ATAD2B: variants seen among roughly 807,000 people sequenced by gnomAD.
ATAD2B encodes the protein ATPase family AAA domain-containing protein 2B.
ATAD2B carries 40 observed loss-of-function variants against 167.6 expected under a neutral mutation model. The ratio of observed to expected loss-of-function variants is 0.24; its 90% CI spans 0.19 to 0.31. ATAD2B has a LOEUF of 0.31. ATAD2B is among the 10% of genes least tolerant of loss of function. The pLI, the probability that ATAD2B is intolerant of heterozygous loss-of-function variation, is 1.00. For missense variants in ATAD2B, 1,242 were observed against 1,757.2 expected (o/e 0.71, Z 5.24); for synonymous variants, 579 against 596.5 (o/e 0.97, Z 0.43).
intron 17 of ATAD2B, chr2:23,811,172 T>A (rs1685531328): frequency 6.6e-6 from 1 of 152,186 alleles, no homozygotes; most frequent in Admixed American, 6.5e-5. Context: ...TTATCCAAGG[T>A]TAAATGTTAG....
chr2:23,819,126 G>T (rs1037156176), intron 17 of ATAD2B, among the ~76,000 whole-genome samples: 3 of 152,002 alleles, frequency 2.0e-5, no homozygotes, highest in African/African-American at 7.2e-5. Context: ...AATAAAGTTG[G>T]GGCTCATGAG....
intron 19 of ATAD2B, among the ~76,000 whole-genome samples, chr2:23,792,395 G>A (rs1681892573): frequency 6.6e-6 from 1 of 150,964 alleles, no homozygotes; most frequent in South Asian, 2.1e-4. Context: ...AGAATTGTTA[G>A]TCCCCAGTTT....
intron 12 of ATAD2B, among the ~76,000 whole-genome samples, chr2:23,859,741 A>T (rs1356665673): frequency 2.0e-5 from 3 of 152,048 alleles, no homozygotes; most frequent in Non-Finnish European, 4.4e-5. Context: ...TGAGGTCAGA[A>T]GTTCGAGACC....
At chr2:23,709,480 G>A in the ATAD2B span, among the ~76,000 whole-genome samples, 2 of 152,256 alleles carry the variant, frequency 1.3e-5, no homozygotes, top group African/African-American at 4.8e-5. Flanking sequence ...TCCCTGGGGA[G>A]AAAAGGTAGA....
chr2:23,880,660 G>A lies in ATAD2B; in HGVS notation c.880C>T (p.Arg294Ter), dbSNP rs759768443. Residue 294 changes from arginine (R) to a stop codon, truncating the protein, a stop_gained, in exon 7 of 28, where the codon CGA becomes TGA. Transcript: ENST00000238789. LOFTEE classifies it high-confidence loss of function. The part of the protein sequence containing the change: ...YNLRQRKTVD[R>*]YQAPPIVPAH... ...CTACCTATTGGAGGTGCTTGGTATCGATCCACTGTTTTTCTCTGTCTCAAA... is the reference window on the plus strand; with the variant it reads ...CTACCTATTGGAGGTGCTTGGTATCAATCCACTGTTTTTCTCTGTCTCAAA... 1 of 1,604,034 alleles carries A rather than the reference G, an allele frequency of 6.2e-7. No homozygotes were observed. Among genetic ancestry groups the A allele is most frequent in the Non-Finnish European group, 8.5e-7 (1 of 1,174,122 alleles).
chr2:23,694,732 G>A, the ATAD2B span, among the ~76,000 whole-genome samples: 32 of 152,244 alleles, frequency 2.1e-4, no homozygotes, highest in Middle Eastern at 0.01. Flanking sequence ...CACGGGCTTC[G>A]AATGTCCACC....
the ATAD2B span, among the ~76,000 whole-genome samples, chr2:23,701,004 C>G: frequency 2.0e-5 from 3 of 152,172 alleles, no homozygotes; most frequent in East Asian, 5.8e-4. Flanking sequence ...AGAGATCCCA[C>G]AGCTGAATAT....
chr2:23,799,081 T>C (rs970886643), intron 18 of ATAD2B, among the ~76,000 whole-genome samples: 2 of 152,212 alleles, frequency 1.3e-5, no homozygotes, highest in African/African-American at 4.8e-5. Flanking sequence ...TGAATTAATG[T>C]CCCTTACTTA....
rs768066043 is a variant in ATAD2B, at chr2:23,926,596, C to T, written c.175G>A (p.Gly59Arg). ...RAASCPAAKA[G>R]GSGGAGVTLD... Reference sequence around the variant, plus strand: ...GTGACGCCGGCGCCACCGCTTCCCCCGGCTTTGGCGGCGGGGCAGCTGGCG... The same window carrying T: ...GTGACGCCGGCGCCACCGCTTCCCCTGGCTTTGGCGGCGGGGCAGCTGGCG... The change falls in exon 1 of 28, where the codon GGG (glycine) becomes AGG (arginine). Residue 59 changes from glycine to arginine, a missense_variant. By Grantham distance (125) the Gly-to-Arg change is moderately radical. Coordinates refer to ENST00000238789, the MANE Select transcript of ATAD2B (RefSeq NM_017552.4). The T allele has an allele frequency of 1.9e-6, 3 of 1,562,000 alleles. No homozygotes were observed. The highest frequency in any genetic ancestry group is 3.8e-5 in the Admixed American group (2 of 52,574).
Position 23,880,640 on chromosome 2 carries a change from T to C in ATAD2B, c.900A>G (p.Ile300Met). The C allele has an allele frequency of 6.4e-7, 1 of 1,569,230 alleles. No homozygotes were observed. The highest frequency in any genetic ancestry group is 1.7e-4 in the Middle Eastern group (1 of 5,986). The change falls in exon 7 of 28, where the codon ATA (isoleucine) becomes ATG (methionine). Residue 300 changes from isoleucine (I) to methionine (M), a missense_variant and splice_region_variant. This residue lies in a region of ATAD2B where 127 missense variants were observed against 146.3 expected (regional missense o/e 0.87). Transcript: ENST00000238789. ...KTVDRYQAPP[I>M]VPAHQKKREN... ...AAAAAGTTATTTAGAGTTGCCTACC[T>C]ATTGGAGGTGCTTGGTATCGATCCA...
intron 7 of ATAD2B, among the ~76,000 whole-genome samples, chr2:23,877,209 C>A (rs1696999520): frequency 6.6e-6 from 1 of 151,922 alleles, no homozygotes. Flanking sequence ...CCAGGAGTTC[C>A]AGACCATCCT....
chr2:23,830,937 A>G (rs963623667), intron 14 of ATAD2B, among the ~76,000 whole-genome samples: 1 of 152,162 alleles, frequency 6.6e-6, no homozygotes, highest in African/African-American at 2.4e-5. Context: ...AGAGGTTTAA[A>G]GTAATGAAAT....
intron 14 of ATAD2B, among the ~76,000 whole-genome samples, chr2:23,830,548 C>T (rs1688886361): frequency 6.6e-6 from 1 of 152,104 alleles, no homozygotes; most frequent in Non-Finnish European, 1.5e-5. Context: ...AACAGAACAA[C>T]TTCAAAGTCA....
In ATAD2B at chr2:23,750,816, A is replaced by G. The variant is rs976693457; in HGVS notation, c.*1230T>C. ...CCCATAATTAATTTCAGATACATAC[A>G]ATTCACAGAAATCACTCAACAAGAT... On this transcript the variant is annotated 3_prime_UTR_variant, in exon 28 of 28. Coordinates refer to ENST00000238789, the MANE Select transcript of ATAD2B (RefSeq NM_017552.4). The G allele has an allele frequency of 6.6e-6, 1 of 152,162 alleles. No homozygotes were observed. 9.4% of individuals were successfully genotyped at this position (152,162 alleles called of 1,614,324 possible). A position where few individuals can be genotyped will look rare whatever the true frequency, so the allele number is the denominator to read the frequency against.
In ATAD2B at chr2:23,839,446, G is replaced by A. The variant is rs143370570; in HGVS notation, c.1569-5368C>T. ...TTCTCTAAGATGAAGACTTTATTATGACTAAATATTGAATTTTATTAAACA... is the reference window on the plus strand; with the variant it reads ...TTCTCTAAGATGAAGACTTTATTATAACTAAATATTGAATTTTATTAAACA... On this transcript the variant is annotated intron_variant, in intron 13 of 27. Transcript: ENST00000238789. Among the ~76,000 whole-genome samples, 540 of 152,132 alleles carry A rather than the reference G, an allele frequency of 3.5e-3. 2 individuals are homozygous for A. The highest frequency in any genetic ancestry group is 0.014 in the Middle Eastern group (4 of 292).
In ATAD2B at chr2:23,762,306, A is replaced by C; in HGVS notation, c.3297T>G (p.Thr1099=). ...VTSEQINPHS[T]GARKTETRVE... ...CTCTAGTTTCTGTCTTCCGAGCTCC[A>C]GTACTATGAGGATTTATTTGTTCTG... The change falls in exon 24 of 28, where the codon ACT becomes ACG. Residue 1099 remains threonine (T), a synonymous_variant. Coordinates refer to ENST00000238789, the MANE Select transcript of ATAD2B (RefSeq NM_017552.4). The C allele has an allele frequency of 1.2e-6, 2 of 1,613,590 alleles. No individual in the cohort carries two copies. The highest frequency in any genetic ancestry group is 1.7e-6 in the Non-Finnish European group (2 of 1,179,732).
rs538424595 is a variant in ATAD2B, at chr2:23,751,830, T to C, written c.*216A>G. The C allele has an allele frequency of 6.5e-4, 348 of 533,600 alleles. 4 individuals are homozygous for C. The South Asian group carries it at 9.2e-3, about 14-fold the overall frequency. The allele number at this position is 533,600 out of a possible 1,614,324, so 33.1% of individuals were successfully genotyped here. A position where few individuals can be genotyped will look rare whatever the true frequency, so the allele number is the denominator to read the frequency against. On this transcript the variant is annotated 3_prime_UTR_variant, in exon 28 of 28. Transcript: ENST00000238789. ...GGTTGTATTTTTTATTTGTGGAAAA[T>C]ACAACATGTTTCTGAAGTTCTGTTT...
intron 1 of ATAD2B, 102 bp downstream of exon 1, chr2:23,926,453 C>T: frequency 1.4e-6 from 2 of 1,436,564 alleles, no homozygotes; most frequent in East Asian, 5.2e-5. Flanking sequence ...GCCGCCCGAG[C>T]GGTCTCCACT....
the ATAD2B span, among the ~76,000 whole-genome samples, chr2:23,731,091 TTAGCAGTAATAAGCA>T: frequency 1.3e-5 from 2 of 152,188 alleles, no homozygotes; most frequent in Non-Finnish European, 2.9e-5. Flanking sequence ...TGGAACCATT[TTAGCAGTAATAAGCA>T]TCATAATAGC....
Sources: gnomAD v4.1 joint callset for allele counts (sites outside exome capture counted in the v4.1 genomes callset) on GRCh38, gnomAD v4.1.1 for gene constraint, gnomAD v4.1.1 regional missense constraint, MANE v1.5 for transcripts, NCBI Gene and HGNC (gene_info 2026-07-23, HGNC 2026-07-21) for gene names.